Variants in ST18 observed in about 807,000 individuals in gnomAD.
ST18 encodes the protein ST18 C2H2C-type zinc finger transcription factor, also known as suppression of tumorigenicity 18 protein.
ST18 carries 50 observed loss-of-function variants against 110.0 expected under a neutral mutation model. That is an observed-to-expected ratio of 0.45 (90% confidence interval 0.36 to 0.58). The LOEUF (loss-of-function observed/expected upper bound fraction) is 0.58, where lower values mean the gene tolerates loss of function less well. ST18 is among the 20% of genes least tolerant of loss of function. ST18 has a pLI of 0.00. For synonymous variants in ST18, 461 were observed against 452.4 expected (o/e 1.02, Z -0.24); for missense variants, 1,306 against 1,280.1 (o/e 1.02, Z -0.31).
chr8:52,330,685 G>A (rs1027323244), intron 2 of ST18, among the ~76,000 whole-genome samples: 4 of 152,246 alleles, frequency 2.6e-5, no homozygotes, highest in African/African-American at 7.2e-5. Context: ...CCGGCTCTGG[G>A]CATGCCCTGT....
At chr8:52,239,054 C>T (rs1476829854) in intron 2 of ST18, among the ~76,000 whole-genome samples, 1 of 151,972 alleles carries the variant, frequency 6.6e-6, no homozygotes, top group Non-Finnish European at 1.5e-5. Context: ...ATGGATGAGC[C>T]TTGAAAATAT....
chr8:52,357,772 G>T (rs550611386), intron 2 of ST18, among the ~76,000 whole-genome samples: 2 of 130,886 alleles, frequency 1.5e-5, no homozygotes, highest in South Asian at 5.1e-4. Context: ...AATAATATTT[G>T]GAAATTTTAA....
chr8:52,325,213 G>A (rs192187168), intron 2 of ST18, among the ~76,000 whole-genome samples: 28 of 152,120 alleles, frequency 1.8e-4, no homozygotes, highest in Admixed American at 9.2e-4. Flanking sequence ...ACTGTAGAGA[G>A]GGGGGAAAAG....
chr8:52,139,830 A>C (rs947319660), intron 17 of ST18, among the ~76,000 whole-genome samples: 2 of 152,230 alleles, frequency 1.3e-5, no homozygotes, highest in African/African-American at 4.8e-5. Flanking sequence ...GAAATAAAGA[A>C]CTGGAGACAA....
At position 52,161,656 on chromosome 8, in the gene ST18, G is replaced by C. The variant is rs16917338; in HGVS notation, c.1401-88C>G. On this transcript the variant is annotated intron_variant, in intron 13 of 25. Transcript: ENST00000689386. Reference sequence around the variant, plus strand: ...GTCAGAATTTACAGTAGATACATGTGTCACTCCTGAAGGTATCCACAGAGA... The same window carrying C: ...GTCAGAATTTACAGTAGATACATGTCTCACTCCTGAAGGTATCCACAGAGA... The C allele has an allele frequency of 1.8e-3, 2,576 of 1,427,964 alleles. 36 individuals are homozygous for C. The African/African-American group carries it at 0.032, about 18-fold the overall frequency. The allele number at this position is 1,427,964 out of a possible 1,614,324, so 88.5% of individuals were successfully genotyped here. A position where few individuals can be genotyped will look rare whatever the true frequency, so the allele number is the denominator to read the frequency against.
intron 8 of ST18, chr8:52,210,253 T>A (rs1374801110): frequency 7.5e-6 from 3 of 401,696 alleles, no homozygotes; most frequent in African/African-American, 6.3e-5. Context: ...GAACTTTAAA[T>A]AAGAGCAAAT....
At chr8:52,267,033 G>A (rs940834926) in intron 2 of ST18, among the ~76,000 whole-genome samples, 1 of 152,124 alleles carries the variant, frequency 6.6e-6, no homozygotes. Context: ...TGGCCCTGAA[G>A]GGGTGTAATG....
At chr8:52,396,154 C>T (rs544167415) in intron 2 of ST18, among the ~76,000 whole-genome samples, 1 of 152,208 alleles carries the variant, frequency 6.6e-6, no homozygotes, top group South Asian at 2.1e-4. Flanking sequence ...GTGACAGGAG[C>T]AGTTAGAAAC....
chr8:52,343,424 TACCA>T (rs1816136227), intron 2 of ST18, among the ~76,000 whole-genome samples: 1 of 152,194 alleles, frequency 6.6e-6, no homozygotes, highest in South Asian at 2.1e-4. Flanking sequence ...TCCTTGAATG[TACCA>T]ACCATAGACG....
chr8:52,255,902 G>A (rs1213560974), intron 2 of ST18, among the ~76,000 whole-genome samples: 1 of 152,200 alleles, frequency 6.6e-6, no homozygotes, highest in Non-Finnish European at 1.5e-5. Flanking sequence ...AATTGTTCAA[G>A]GTCCCTTGGC....
At chr8:52,236,963 C>G (rs2092767932) in intron 2 of ST18, among the ~76,000 whole-genome samples, 1 of 152,188 alleles carries the variant, frequency 6.6e-6, no homozygotes, top group South Asian at 2.1e-4. Flanking sequence ...CACTCTGTCT[C>G]TCAAGTAACA....
chr8:52,408,281 C>T (rs1845218691), intron 2 of ST18, among the ~76,000 whole-genome samples: 1 of 152,172 alleles, frequency 6.6e-6, no homozygotes, highest in African/African-American at 2.4e-5. Flanking sequence ...TCTGAAGGGA[C>T]CATTCCTGCT....
In ST18 at chr8:52,382,615, G is replaced by A. The variant is rs147252379; in HGVS notation, c.-465+26713C>T. The stretch of plus-strand genomic sequence containing the variant: ...CATCGTGTCCAGAAGACAAAAAGAA[G>A]AGGATGAACGGAGATGAAAGGAAAG... On this transcript the variant is annotated intron_variant, in intron 2 of 25. Coordinates refer to ENST00000689386, the MANE Select transcript of ST18 (RefSeq NM_001352837.2). Among the ~76,000 whole-genome samples the A allele has an allele frequency of 1.8e-4, 27 of 152,286 alleles. No homozygotes were observed. The East Asian group carries it at 5.0e-3, about 28-fold the overall frequency.
At chr8:52,357,676 AATATATATATATATATATAT>A (rs71252934) in intron 2 of ST18, among the ~76,000 whole-genome samples, 1,823 of 38,478 alleles carry the variant, frequency 0.047, 67 homozygotes, top group Admixed American at 0.068. Flanking sequence ...AAAATCTATA[AATATATATATATATATATAT>A]ATATATATAT....
chr8:52,216,594 T>C (rs773443842), intron 6 of ST18, among the ~76,000 whole-genome samples: 12 of 152,152 alleles, frequency 7.9e-5, no homozygotes, highest in South Asian at 6.2e-4. Context: ...CTGGGGCTCA[T>C]TGGGGAATAA....
intron 15 of ST18, among the ~76,000 whole-genome samples, chr8:52,156,837 T>C (rs544390670): frequency 3.8e-4 from 58 of 152,326 alleles, no homozygotes; most frequent in Non-Finnish European, 6.0e-4. Flanking sequence ...TTTTAGCAAC[T>C]ACTATGCAAA....
At chr8:52,226,594 C>A (rs964744171) in intron 3 of ST18, among the ~76,000 whole-genome samples, 1 of 152,184 alleles carries the variant, frequency 6.6e-6, no homozygotes, top group African/African-American at 2.4e-5. Context: ...TTCTCTAAAG[C>A]CCCTTCCTGG....
intron 22 of ST18, among the ~76,000 whole-genome samples, chr8:52,127,775 A>G (rs1367199745): frequency 6.6e-6 from 1 of 151,818 alleles, no homozygotes; most frequent in African/African-American, 2.4e-5. Flanking sequence ...CAATGTAGAG[A>G]TTTAATATCT....
At chr8:52,257,703 T>C (rs2094567813) in intron 2 of ST18, among the ~76,000 whole-genome samples, 1 of 152,322 alleles carries the variant, frequency 6.6e-6, no homozygotes, top group African/African-American at 2.4e-5. Flanking sequence ...TTATCAGATA[T>C]AGAATTTGCA....
Sources: allele counts gnomAD v4.1 joint callset (sites outside exome capture counted in the v4.1 genomes callset), GRCh38; gene constraint gnomAD v4.1.1; transcripts MANE v1.5; gene names NCBI Gene and HGNC (gene_info 2026-07-23, HGNC 2026-07-21).